Variants in DACH1 observed in about 807,000 individuals in gnomAD.
The protein encoded by DACH1 is dachshund family transcription factor 1, also known as dachshund homolog 1.
Under a neutral mutation model 54.2 loss-of-function variants are expected in DACH1, and 12 were observed. The observed-to-expected ratio is 0.22, with a 90% CI of 0.14 to 0.36. The LOEUF is 0.36. DACH1 is among the 10% of genes least tolerant of loss of function. The probability of loss-of-function intolerance (pLI) is 1.00; values close to 1 mark genes in which losing one functional copy is unlikely to be tolerated. For synonymous variants in DACH1, 386 were observed against 366.2 expected (o/e 1.05, Z -0.62); for missense variants, 805 against 929.8 (o/e 0.87, Z 1.75).
intron 1 of DACH1, among the ~76,000 whole-genome samples, chr13:71,791,032 C>T (rs1049177231): frequency 2.0e-5 from 3 of 152,154 alleles, no homozygotes; most frequent in Admixed American, 6.5e-5. Context: ...TATCCAGTAA[C>T]GAAACAGCTG....
chr13:71,634,683 A>G (rs547992562), intron 2 of DACH1, among the ~76,000 whole-genome samples: 58 of 152,242 alleles, frequency 3.8e-4, no homozygotes, highest in African/African-American at 1.3e-3. Flanking sequence ...AAAGAGCTGT[A>G]CCTGACCTTC....
intron 1 of DACH1, among the ~76,000 whole-genome samples, chr13:71,776,295 T>C (rs1453723611): frequency 6.6e-6 from 1 of 152,156 alleles, no homozygotes; most frequent in Admixed American, 6.6e-5. Flanking sequence ...ATTTTTAGGA[T>C]GTATTCAAGA....
At chr13:71,863,256 T>C (rs1172083370) in intron 1 of DACH1, among the ~76,000 whole-genome samples, 1 of 152,114 alleles carries the variant, frequency 6.6e-6, no homozygotes, top group Non-Finnish European at 1.5e-5. Flanking sequence ...GGAGTTCCAT[T>C]ACAAGTTCTC....
At chr13:71,777,954 A>G (rs1157888634) in intron 1 of DACH1, among the ~76,000 whole-genome samples, 1 of 151,834 alleles carries the variant, frequency 6.6e-6, no homozygotes, top group African/African-American at 2.4e-5. Context: ...TCATCTCTAC[A>G]AAAAATACAC....
intron 1 of DACH1, among the ~76,000 whole-genome samples, chr13:71,828,577 G>A (rs900148555): frequency 6.6e-5 from 10 of 152,094 alleles, no homozygotes; most frequent in African/African-American, 1.9e-4. Context: ...AAACATTAGC[G>A]TAAGCATAAT....
chr13:71,626,732 C>T (rs1167554057), intron 3 of DACH1, among the ~76,000 whole-genome samples: 4 of 152,118 alleles, frequency 2.6e-5, no homozygotes, highest in Non-Finnish European at 5.9e-5. Context: ...TATCATCTGT[C>T]TCAGCATCTA....
chr13:71,547,640 C>T lies in DACH1; in HGVS notation c.1570+9384G>A, dbSNP rs542377918. Among the ~76,000 whole-genome samples, 101 of 152,186 alleles carry T rather than the reference C, an allele frequency of 6.6e-4. 1 individual carries two copies. The South Asian group carries it at 0.02, about 31-fold the overall frequency. Reference sequence around the variant, plus strand: ...TAAGTGGTAGTAAGCAAGGAAAAGTCAAAGAAAAACACTACCCAGTTTTCT... The same window carrying T: ...TAAGTGGTAGTAAGCAAGGAAAAGTTAAAGAAAAACACTACCCAGTTTTCT... On this transcript the variant is annotated intron_variant, in intron 6 of 10. Coordinates refer to ENST00000613252, the MANE Select transcript of DACH1 (RefSeq NM_080759.6).
At chr13:71,571,575 TC>T in intron 4 of DACH1, among the ~76,000 whole-genome samples, 1 of 152,252 alleles carries the variant, frequency 6.6e-6, no homozygotes, top group Middle Eastern at 3.4e-3. Context: ...TTGATCCAGG[TC>T]TTCTGTGAGA....
At chr13:71,496,284 T>TAC (rs1879415375) in intron 6 of DACH1, among the ~76,000 whole-genome samples, 1 of 122,748 alleles carries the variant, frequency 8.1e-6, no homozygotes, top group South Asian at 3.0e-4. Context: ...TATATATATA[T>TAC]ATATATATAT....
intron 7 of DACH1, among the ~76,000 whole-genome samples, chr13:71,486,585 A>G (rs1229704274): frequency 6.6e-6 from 1 of 152,162 alleles, no homozygotes; most frequent in East Asian, 1.9e-4. Flanking sequence ...GTGTGTTTGT[A>G]TATGTATGTG....
Position 71,448,426 on chromosome 13 carries a change from G to A in DACH1, c.2084-7734C>T, listed in dbSNP as rs572259951. Among the ~76,000 whole-genome samples the A allele has an allele frequency of 1.5e-4, 23 of 152,296 alleles. No homozygotes were observed. In the South Asian group the frequency reaches 4.8e-3, roughly 32 times the overall value. ...GTGATATTTGATAAGACAACGAAAG[G>A]AAGTCAAAATAAAAGCAAACAAACA... On this transcript the variant is annotated intron_variant, in intron 10 of 10. Coordinates refer to ENST00000613252, the MANE Select transcript of DACH1 (RefSeq NM_080759.6).
At chr13:71,838,694 C>T (rs758705933) in intron 1 of DACH1, among the ~76,000 whole-genome samples, 12 of 152,174 alleles carry the variant, frequency 7.9e-5, no homozygotes, top group Non-Finnish European at 1.3e-4. Flanking sequence ...CATGACCTCT[C>T]ACTTTCTCAA....
rs1881865377 is a variant in DACH1, at chr13:71,696,936, A to G, written c.849-15026T>C. On this transcript the variant is annotated intron_variant, in intron 1 of 10. Transcript: ENST00000613252. ...TACGTATTATCTCTAAAAAGAATTG[A>G]ATGTTCCTGTCTCCACTTGCTGTTG... is the stretch of plus-strand genomic sequence containing the variant. Among the ~76,000 whole-genome samples the G allele has an allele frequency of 4.6e-5, 7 of 152,270 alleles. 1 individual carries two copies. The South Asian group carries it at 1.5e-3, about 32-fold the overall frequency.
chr13:71,705,072 C>A (rs1485699939), intron 1 of DACH1, among the ~76,000 whole-genome samples: 1 of 152,114 alleles, frequency 6.6e-6, no homozygotes, highest in East Asian at 1.9e-4. Context: ...GAAACTAGCA[C>A]TAAGCTATAT....
intron 1 of DACH1, among the ~76,000 whole-genome samples, chr13:71,807,419 C>CAAAAAAAAAAAAAAAAAAAAAA (rs10688170): frequency 2.0e-5 from 2 of 99,722 alleles, no homozygotes; most frequent in Non-Finnish European, 1.9e-5. Flanking sequence ...TCACAGATTG[C>CAAAAAAAAAAAAAAAAAAAAAA]AAAAAAAAAA....
intron 2 of DACH1, among the ~76,000 whole-genome samples, chr13:71,636,075 C>T (rs1257032877): frequency 6.6e-6 from 1 of 152,134 alleles, no homozygotes; most frequent in Non-Finnish European, 1.5e-5. Flanking sequence ...TGAGCCACTG[C>T]GCCCACCCTG....
At chr13:71,706,985 A>C (rs1436088379) in intron 1 of DACH1, among the ~76,000 whole-genome samples, 3 of 152,206 alleles carry the variant, frequency 2.0e-5, no homozygotes, top group African/African-American at 7.2e-5. Context: ...TTTGATATTA[A>C]AGTCTTAGAT....
At chr13:71,635,022 G>A (rs960020397) in intron 2 of DACH1, among the ~76,000 whole-genome samples, 1 of 152,146 alleles carries the variant, frequency 6.6e-6, no homozygotes, top group Non-Finnish European at 1.5e-5. Flanking sequence ...CACTAAAAGG[G>A]CAGAAATACT....
chr13:71,801,091 T>G (rs1887272666), intron 1 of DACH1, among the ~76,000 whole-genome samples: 1 of 152,120 alleles, frequency 6.6e-6, no homozygotes. Flanking sequence ...TTTCTAGACT[T>G]TGGAGAATCC....
Sources: allele counts gnomAD v4.1 joint callset (sites outside exome capture counted in the v4.1 genomes callset), GRCh38; gene constraint gnomAD v4.1.1; transcripts MANE v1.5; gene names NCBI Gene and HGNC (gene_info 2026-07-23, HGNC 2026-07-21).